GLRA3: variants seen among roughly 807,000 people sequenced by gnomAD.
The protein encoded by GLRA3 is glycine receptor alpha 3.
A neutral mutation model predicts 60.4 loss-of-function variants in GLRA3; 44 were observed. The observed-to-expected ratio is 0.73, with a 90% confidence interval of 0.57 to 0.94. The LOEUF (loss-of-function observed/expected upper bound fraction) is 0.94, where lower values mean the gene tolerates loss of function less well. Ranked by LOEUF, GLRA3 falls within the 40% of genes least tolerant of loss-of-function variation. GLRA3 has a pLI of 0.00. For missense variants in GLRA3, 508 were observed against 564.6 expected, an observed-to-expected ratio of 0.90 and a Z score of 1.02; for synonymous variants, 223 against 192.9, an observed-to-expected ratio of 1.16 and a Z score of -1.29.
intron 7 of GLRA3, among the ~76,000 whole-genome samples, chr4:174,671,800 C>A (rs1403725623): frequency 6.6e-6 from 1 of 152,110 alleles, no homozygotes; most frequent in Non-Finnish European, 1.5e-5. Flanking sequence ...CAGATGCCCG[C>A]CACCACGCCC....
At chr4:174,646,300 T>A (rs1293150843) in intron 9 of GLRA3, among the ~76,000 whole-genome samples, 1 of 152,236 alleles carries the variant, frequency 6.6e-6, no homozygotes. Context: ...ATAATCTATT[T>A]AAAATTAACA....
chr4:174,739,716 C>A (rs954110426), intron 3 of GLRA3, among the ~76,000 whole-genome samples: 30 of 152,112 alleles, frequency 2.0e-4, no homozygotes, highest in African/African-American at 6.0e-4. Flanking sequence ...TCCCACATTT[C>A]TATGAGCAGG....
In GLRA3 at chr4:174,783,168, A is replaced by T. The variant is rs1317633703; in HGVS notation, c.199+5648T>A. ...AGAGCCCTCAGAAATAACGCCGCGT[A>T]TCTACAACTATCTGATCTTTGACAA... On this transcript the variant is annotated intron_variant, in intron 2 of 9. Coordinates refer to ENST00000274093, the MANE Select transcript of GLRA3 (RefSeq NM_006529.4). Among the ~76,000 whole-genome samples, 15 of 151,966 alleles carry T rather than the reference A, an allele frequency of 9.9e-5. No individual in the cohort carries two copies. In the East Asian group the frequency reaches 1.6e-3, roughly 16 times the overall value.
intron 2 of GLRA3, among the ~76,000 whole-genome samples, chr4:174,779,697 G>A (rs1341441565): frequency 3.9e-5 from 6 of 152,092 alleles, no homozygotes; most frequent in African/African-American, 1.2e-4. Context: ...GCGATCAACT[G>A]GAAGAAAGGG....
chr4:174,699,998 TTAAG>T (rs1735243896), intron 5 of GLRA3, among the ~76,000 whole-genome samples: 1 of 152,070 alleles, frequency 6.6e-6, no homozygotes, highest in African/African-American at 2.4e-5. Context: ...TTATAAATTG[TTAAG>T]TATATGCTGA....
At chr4:174,790,205 G>A (rs1429221528) in intron 1 of GLRA3, among the ~76,000 whole-genome samples, 2 of 152,068 alleles carry the variant, frequency 1.3e-5, no homozygotes, top group East Asian at 3.9e-4. Flanking sequence ...TGTTTCCCCA[G>A]TGACTCTCAT....
chr4:174,814,256 G>C (rs1424018302), intron 1 of GLRA3, among the ~76,000 whole-genome samples: 9 of 152,116 alleles, frequency 5.9e-5, no homozygotes, highest in Non-Finnish European at 1.2e-4. Context: ...TGAATTGAAG[G>C]GTGGTGAATG....
chr4:174,750,179 T>G (rs996415202), intron 3 of GLRA3, among the ~76,000 whole-genome samples: 1 of 152,118 alleles, frequency 6.6e-6, no homozygotes, highest in Non-Finnish European at 1.5e-5. Flanking sequence ...AATTGTTATA[T>G]GTGGAATAGA....
intron 3 of GLRA3, among the ~76,000 whole-genome samples, chr4:174,764,997 C>A (rs1459387229): frequency 2.0e-5 from 3 of 151,998 alleles, no homozygotes; most frequent in African/African-American, 4.8e-5. Flanking sequence ...GAACAATGTT[C>A]ATTGACACTG....
chr4:174,685,204 T>C (rs921689087), intron 5 of GLRA3, among the ~76,000 whole-genome samples: 1 of 152,104 alleles, frequency 6.6e-6, no homozygotes, highest in African/African-American at 2.4e-5. Context: ...GGAAAGGAAC[T>C]GATCACCTTC....
At position 174,637,072 on chromosome 4, in the gene GLRA3, G is replaced by T. The variant is rs934472311; in HGVS notation, c.*6714C>A. ...ATAATATAATGAAAAACAAGTTGAT[G>T]AAATCGTGCATAAATTTTTAAATAT... On this transcript the variant is annotated 3_prime_UTR_variant, in exon 10 of 10. Coordinates refer to ENST00000274093, the MANE Select transcript of GLRA3 (RefSeq NM_006529.4). The T allele has an allele frequency of 6.6e-6, 1 of 152,114 alleles. No homozygotes were observed. The highest frequency in any genetic ancestry group is 2.4e-5 in the African/African-American group (1 of 41,446). 9.4% of individuals were successfully genotyped at this position (152,114 alleles called of 1,614,324 possible). A position where few individuals can be genotyped will look rare whatever the true frequency, so the allele number is the denominator to read the frequency against.
chr4:174,736,132 A>C lies in GLRA3; in HGVS notation c.268-7434T>G, dbSNP rs149098497. On this transcript the variant is annotated intron_variant, in intron 3 of 9. Transcript: ENST00000274093. ...TTTGAGGTGGATAAGAGTGTCATAGAATCATAATGATTTTGAAGACATTCT... is the reference window on the plus strand; with the variant it reads ...TTTGAGGTGGATAAGAGTGTCATAGCATCATAATGATTTTGAAGACATTCT... Among the ~76,000 whole-genome samples, 436 of 152,272 alleles carry C rather than the reference A, an allele frequency of 2.9e-3. 3 individuals carry two copies. Among genetic ancestry groups the C allele is most frequent in the African/African-American group, 0.01 (417 of 41,568 alleles).
Position 174,766,986 on chromosome 4 carries a change from C to T in GLRA3, c.244G>A (p.Gly82Ser), listed in dbSNP as rs759822407. The T allele has an allele frequency of 3.0e-5, 48 of 1,596,382 alleles. No individual in the cohort carries two copies. The highest frequency in any genetic ancestry group is 1.7e-5 in the Admixed American group (1 of 59,368). Residue 82 changes from glycine (G) to serine (S), a missense_variant, in exon 3 of 10, where the codon GGC (glycine) becomes AGC (serine). Coordinates refer to ENST00000274093, the MANE Select transcript of GLRA3 (RefSeq NM_006529.4). ...VTCNIFINSF[G>S]SIAETTMDYR... ...ACCATGGTCGTCTCTGCGATAGAGC[C>T]AAAGCTGTTGATGAATATGTTGCAT...
chr4:174,670,468 G>A (rs1733862395), intron 7 of GLRA3, among the ~76,000 whole-genome samples: 1 of 152,146 alleles, frequency 6.6e-6, no homozygotes, highest in Non-Finnish European at 1.5e-5. Flanking sequence ...ATCTTTTGGG[G>A]ACTCAGGGTA....
intron 5 of GLRA3, among the ~76,000 whole-genome samples, chr4:174,712,307 T>C (rs933123760): frequency 9.9e-5 from 15 of 152,182 alleles, no homozygotes; most frequent in African/African-American, 3.4e-4. Context: ...TTGCTTATCA[T>C]CTTTAATTGA....
intron 1 of GLRA3, among the ~76,000 whole-genome samples, chr4:174,795,712 G>T (rs1018509575): frequency 3.9e-5 from 6 of 152,092 alleles, no homozygotes; most frequent in African/African-American, 1.4e-4. Flanking sequence ...TATGTAATTT[G>T]TTCGATGCAA....
At chr4:174,685,513 G>A (rs6853281) in intron 5 of GLRA3, among the ~76,000 whole-genome samples, 28,586 of 152,094 alleles carry the variant, frequency 0.19, 2,917 homozygotes, top group East Asian at 0.34. Context: ...AAGGAAGCAC[G>A]CATCTACATC....
At chr4:174,709,221 T>A (rs1430204662) in intron 5 of GLRA3, among the ~76,000 whole-genome samples, 1 of 152,060 alleles carries the variant, frequency 6.6e-6, no homozygotes, top group Non-Finnish European at 1.5e-5. Context: ...AGGCCAGTGA[T>A]CACTTTAGTA....
intron 3 of GLRA3, among the ~76,000 whole-genome samples, chr4:174,730,053 A>AT (rs781567572): frequency 1.1e-4 from 17 of 152,020 alleles, no homozygotes; most frequent in East Asian, 3.9e-4. Flanking sequence ...ACCAGAAAAT[A>AT]TTTTTTCTGC....
Sources: gnomAD v4.1 joint callset for allele counts (sites outside exome capture counted in the v4.1 genomes callset) on GRCh38, gnomAD v4.1.1 for gene constraint, MANE v1.5 for transcripts, NCBI Gene and HGNC (gene_info 2026-07-23, HGNC 2026-07-21) for gene names.